The following MCM8 variants were observed in gnomAD, a reference collection of about 807,000 sequenced individuals.
The protein encoded by MCM8 is minichromosome maintenance 8 homologous recombination repair factor, also known as DNA helicase MCM8.
Under a neutral mutation model 98.9 loss-of-function variants are expected in MCM8, and 85 were observed. The observed-to-expected ratio is 0.86, with a 90% CI of 0.72 to 1.03. The LOEUF is 1.03. Ranked by LOEUF, MCM8 falls within the 50% of genes least tolerant of loss-of-function variation. MCM8 has a pLI of 0.00. For missense variants in MCM8, 951 were observed against 997.8 expected, an observed-to-expected ratio of 0.95 and a Z score of 0.63; for synonymous variants, 352 against 338.6, an observed-to-expected ratio of 1.04 and a Z score of -0.44.
intron 14 of MCM8, 75 bp from the exon 15 acceptor site, chr20:5,984,706 A>C: frequency 8.1e-7 from 1 of 1,239,238 alleles, no homozygotes; most frequent in Non-Finnish European, 1.1e-6. Context: ...TGAGTAGTAA[A>C]TAAGTGAGTA....
intron 3 of MCM8, among the ~76,000 whole-genome samples, chr20:5,952,984 A>T (rs1269560911): frequency 6.6e-6 from 1 of 152,210 alleles, no homozygotes; most frequent in Non-Finnish European, 1.5e-5. Flanking sequence ...TCTGAAGGCT[A>T]CCTTACAGAG....
intron 11 of MCM8, chr20:5,972,792 T>C: frequency 1.4e-6 from 2 of 1,406,836 alleles, no homozygotes; most frequent in South Asian, 2.5e-5. Flanking sequence ...ATATTTCTCG[T>C]TTTTGTGGAA....
At chr20:5,964,347 C>T (rs1484403505) in intron 8 of MCM8, among the ~76,000 whole-genome samples, 1 of 152,156 alleles carries the variant, frequency 6.6e-6, no homozygotes, top group Admixed American at 6.5e-5. Flanking sequence ...GCTTCACCCC[C>T]TTCTTCCCTG....
chr20:5,979,273 CTTACCTGTT>C (rs962251566), intron 13 of MCM8, among the ~76,000 whole-genome samples: 3 of 152,288 alleles, frequency 2.0e-5, no homozygotes, highest in African/African-American at 7.2e-5. Context: ...TCCACAACCT[CTTACCTGTT>C]GTTAACTAAG....
rs934801460 is a variant in MCM8 at position 5,952,614 on chromosome 20, C to A, written c.253+86C>A. 1.7e-5 allele frequency: 17 copies of A among 1,026,740 alleles called. No homozygotes were observed. The African/African-American group carries it at 2.1e-4, about 13-fold the overall frequency. The allele number at this position is 1,026,740 out of a possible 1,614,324, so 63.6% of individuals were successfully genotyped here. A position where few individuals can be genotyped will look rare whatever the true frequency, so the allele number is the denominator to read the frequency against. ...TGCTACATCTTGTATTACTGTAATT[C>A]ATTTACTAACATATACCTGCTTTAA... is the stretch of plus-strand genomic sequence containing the variant. On this transcript the variant is annotated intron_variant, in intron 3 of 18. Transcript: ENST00000610722.
At chr20:5,966,055 T>A (rs1282615190) in intron 8 of MCM8, among the ~76,000 whole-genome samples, 1 of 152,050 alleles carries the variant, frequency 6.6e-6, no homozygotes, top group African/African-American at 2.4e-5. Flanking sequence ...GAAAATGTCT[T>A]TATTTGGATC....
chr20:5,955,869 C>G (rs1395865293), intron 5 of MCM8, among the ~76,000 whole-genome samples: 11 of 152,060 alleles, frequency 7.2e-5, no homozygotes, highest in Admixed American at 7.2e-4. Context: ...ACCTCTGCCT[C>G]CCGGGTTCAA....
intron 12 of MCM8, among the ~76,000 whole-genome samples, chr20:5,975,057 A>G (rs551855626): frequency 1.3e-5 from 2 of 152,276 alleles, no homozygotes; most frequent in Non-Finnish European, 2.9e-5. Context: ...CCTGGAGTTC[A>G]AGACCAGCCT....
At chr20:5,954,521 C>T in intron 3 of MCM8, 87 bp from the exon 4 acceptor site, 1 of 644,242 alleles carries the variant, frequency 1.6e-6, no homozygotes, top group Non-Finnish European at 2.8e-6. Context: ...AAATCATCTA[C>T]CATGTATATA....
Position 5,984,892 on chromosome 20 carries a change from A to G in MCM8, c.1845A>G (p.Gly615=). 6.2e-7 allele frequency: 1 copy of G among 1,614,162 alleles called. No individual in the cohort carries two copies. Among genetic ancestry groups the G allele is most frequent in the Non-Finnish European group, 8.5e-7 (1 of 1,180,012 alleles). Residue 615 remains glycine, a synonymous_variant, in exon 15 of 19, where the codon GGA becomes GGG. Transcript: ENST00000610722. ...LSEHVIAIRA[G]KQRTISSATV... ...AACATGTGATTGCAATAAGAGCTGG[A>G]AAGCAGAGAACCATTAGCAGTGCCA...
intron 13 of MCM8, among the ~76,000 whole-genome samples, chr20:5,981,076 C>A (rs2089619716): frequency 6.6e-6 from 1 of 152,062 alleles, no homozygotes; most frequent in Admixed American, 6.5e-5. Context: ...TTGTGCATGG[C>A]CTGTGAAACT....
intron 15 of MCM8, 80 bp downstream of exon 15, chr20:5,985,080 A>C: frequency 3.5e-6 from 4 of 1,149,822 alleles, no homozygotes; most frequent in Non-Finnish European, 5.0e-6. Flanking sequence ...GTAGAGCAGT[A>C]GGATACAAAC....
intron 13 of MCM8, among the ~76,000 whole-genome samples, chr20:5,981,289 A>T (rs1453755511): frequency 1.3e-5 from 2 of 152,214 alleles, no homozygotes; most frequent in Admixed American, 6.5e-5. Context: ...AGCTCAGGGA[A>T]AGGTGGAGAT....
Position 5,998,458 on chromosome 20 carries a change from T to A in MCM8, c.*4067T>A, listed in dbSNP as rs2082008086. On this transcript the variant is annotated 3_prime_UTR_variant, in exon 19 of 19. Transcript: ENST00000610722. ...GACATTTAATTTCCCTGCAGCAGAATTCTTGCAGTCAGTTGTTGAGGCAAG... is the reference window on the plus strand; with the variant it reads ...GACATTTAATTTCCCTGCAGCAGAAATCTTGCAGTCAGTTGTTGAGGCAAG... The A allele has an allele frequency of 6.6e-6, 1 of 152,290 alleles. No individual in the cohort carries two copies. The highest frequency in any genetic ancestry group is 2.4e-5 in the African/African-American group (1 of 41,456). 9.4% of individuals were successfully genotyped at this position (152,290 alleles called of 1,614,324 possible).
chr20:5,952,763 A>G (rs554317737), intron 3 of MCM8, among the ~76,000 whole-genome samples: 21 of 152,372 alleles, frequency 1.4e-4, no homozygotes, highest in Non-Finnish European at 3.1e-4. Flanking sequence ...AAGAAATTGG[A>G]TACAAAAATG....
chr20:5,967,534 C>T lies in MCM8; in HGVS notation c.974C>T (p.Pro325Leu), dbSNP rs747541246. Residue 325 changes from proline (P) to leucine (L), a missense_variant, in exon 9 of 19, where the codon CCG becomes CTG. By Grantham distance (98) the Pro-to-Leu change is moderately conservative. Coordinates refer to ENST00000610722, the MANE Select transcript of MCM8 (RefSeq NM_032485.6). ...CATGATCTTGTGGATAGCTGTGTCCCGGGAGACACAGTGACTATTACTGGA... is the reference window on the plus strand; with the variant it reads ...CATGATCTTGTGGATAGCTGTGTCCTGGGAGACACAGTGACTATTACTGGA... ...LVHDLVDSCV[P>L]GDTVTITGIV... The T allele has an allele frequency of 2.5e-6, 4 of 1,613,788 alleles. No individual in the cohort carries two copies. The Admixed American group carries it at 5.0e-5, about 20-fold the overall frequency.
chr20:5,967,302 A>T, intron 8 of MCM8, 134 bp from the exon 9 acceptor site: 1 of 605,132 alleles, frequency 1.7e-6, no homozygotes, highest in Non-Finnish European at 2.6e-6. Flanking sequence ...AAGTAATTTT[A>T]GATATACCAT....
Position 5,983,038 on chromosome 20 carries a change from C to G in MCM8, c.1606C>G (p.Gln536Glu), listed in dbSNP as rs749968507. 6.2e-7 allele frequency: 1 copy of G among 1,613,938 alleles called. No homozygotes were observed. The highest frequency in any genetic ancestry group is 2.2e-5 in the East Asian group (1 of 44,852). ...QHQALLEAME[Q>E]QSISLAKAGV... ...TCAAGCCTTGTTGGAAGCCATGGAG[C>G]AGCAAAGTATTAGTCTTGCTAAGGC... The change falls in exon 14 of 19, where the codon CAG becomes GAG. Residue 536 changes from glutamine (Q) to glutamate (E), a missense_variant. Transcript: ENST00000610722.
intron 7 of MCM8, 97 bp from the exon 8 acceptor site, chr20:5,963,177 T>G (rs2089191160): frequency 1.1e-6 from 1 of 946,622 alleles, no homozygotes; most frequent in Admixed American, 1.9e-5. Flanking sequence ...AGACCAACTT[T>G]TAAAACAATA....
Sources: gnomAD v4.1 joint callset for allele counts (sites outside exome capture counted in the v4.1 genomes callset) on GRCh38, gnomAD v4.1.1 for gene constraint, MANE v1.5 for transcripts, NCBI Gene and HGNC (gene_info 2026-07-23, HGNC 2026-07-21) for gene names.